Variants in TAOK3 observed in about 807,000 individuals in gnomAD.
The protein encoded by TAOK3 is TAO kinase 3.
A neutral mutation model predicts 120.4 loss-of-function variants in TAOK3; 40 were observed. The observed-to-expected ratio is 0.33, with a 90% CI of 0.26 to 0.43. TAOK3 has a LOEUF of 0.43. Among genes scored for constraint, TAOK3 ranks in the 20% least tolerant of loss-of-function variants. The pLI is 1.00. For synonymous variants in TAOK3, 355 were observed against 387.5 expected (o/e 0.92, Z 0.99); for missense variants, 821 against 1,112.1 (o/e 0.74, Z 3.72).
intron 9 of TAOK3, among the ~76,000 whole-genome samples, chr12:118,224,163 C>T (rs2039389399): frequency 6.6e-6 from 1 of 152,208 alleles, no homozygotes; most frequent in South Asian, 2.1e-4. Context: ...AAAACCAAAT[C>T]ACATAGTGTT....
rs145793159 is a variant in TAOK3 at position 118,216,744 on chromosome 12, C to T, written c.644-2634G>A. ...GAGATCGAGACCATCCTGGCTAACA[C>T]GGTGAAACCCTGTCTCTACTAAAAA... On this transcript the variant is annotated intron_variant, in intron 9 of 20. Coordinates refer to ENST00000392533, the MANE Select transcript of TAOK3 (RefSeq NM_016281.4). Among the ~76,000 whole-genome samples the T allele has an allele frequency of 1.9e-3, 296 of 151,900 alleles. 4 individuals are homozygous for T. In the East Asian group the frequency reaches 0.024, roughly 12 times the overall value.
At position 118,201,214 on chromosome 12, in the gene TAOK3, A is replaced by G; in HGVS notation, c.987+82T>C. On this transcript the variant is annotated intron_variant, in intron 12 of 20. Transcript: ENST00000392533. ...CAGCATCAATTAATTTTTATCTTCA[A>G]AAGTTTTTCATAGTGCCCAGTCTAG... 4.6e-6 allele frequency: 6 copies of G among 1,317,876 alleles called. No individual in the cohort carries two copies. The South Asian group carries it at 7.5e-5, about 17-fold the overall frequency. 81.6% of individuals were successfully genotyped at this position (1,317,876 alleles called of 1,614,324 possible).
intron 9 of TAOK3, among the ~76,000 whole-genome samples, chr12:118,217,816 C>CGTGTGTGTGT (rs1565963561): frequency 2.2e-5 from 1 of 45,972 alleles, no homozygotes; most frequent in African/African-American, 8.1e-5. Context: ...TGTGTGTATA[C>CGTGTGTGTGT]ATATATATAT....
At chr12:118,324,082 A>C (rs1221612844) in intron 1 of TAOK3, among the ~76,000 whole-genome samples, 1 of 152,212 alleles carries the variant, frequency 6.6e-6, no homozygotes, top group Non-Finnish European at 1.5e-5. Flanking sequence ...TATGATATAA[A>C]TCTGGAAGAT....
Position 118,299,434 on chromosome 12 carries a change from T to C in TAOK3, c.-193-32675A>G, listed in dbSNP as rs148252709. Among the ~76,000 whole-genome samples, 28 of 152,356 alleles carry C rather than the reference T, an allele frequency of 1.8e-4. No homozygotes were observed. In the East Asian group the frequency reaches 5.4e-3, roughly 29 times the overall value. ...TGTTTTGAGATGTTTTTTATGGGTC[T>C]ACGGTACTTAAGGTTTCTGATAATT... On this transcript the variant is annotated intron_variant, in intron 1 of 20. Transcript: ENST00000392533.
At chr12:118,359,573 G>T (rs1056464103) in intron 1 of TAOK3, 3 of 152,190 alleles carry the variant, frequency 2.0e-5, no homozygotes, top group African/African-American at 7.2e-5. Context: ...TTTGCAAATT[G>T]AAAGTTAATT....
chr12:118,189,979 G>C (rs1464845920), intron 13 of TAOK3, 38 bp from the exon 14 acceptor site: 1 of 1,608,956 alleles, frequency 6.2e-7, no homozygotes, highest in Non-Finnish European at 8.5e-7. Context: ...AAGTCCAGCT[G>C]TGCTCTTTCC....
chr12:118,253,751 CAAACAA>C (rs777249911), intron 3 of TAOK3, among the ~76,000 whole-genome samples: 72 of 17,436 alleles, frequency 4.1e-3, no homozygotes, highest in Non-Finnish European at 6.3e-3. Flanking sequence ...AACAAACAAA[CAAACAA>C]AAAAAAAAAA....
chr12:118,204,280 T>G (rs1309694303), intron 11 of TAOK3, among the ~76,000 whole-genome samples: 1 of 152,062 alleles, frequency 6.6e-6, no homozygotes, highest in Non-Finnish European at 1.5e-5. Context: ...AAGACATTAT[T>G]TTTTAAAGGC....
chr12:118,172,543 T>C lies in TAOK3; in HGVS notation c.1813A>G (p.Arg605Gly). Residue 605 changes from arginine (R) to glycine (G), a missense_variant, in exon 17 of 21, where the codon AGA becomes GGA. Physicochemically the swap from Arg to Gly is moderately radical, Grantham distance 125. Transcript: ENST00000392533. ...CGACAATTTTTGTCGTAGTACAGTC[T>C]CTGTTGAGTGAGAAGGTGGGCTTCC... ...EEEAHLLTQQ[R>G]LYYDKNCRFF... 2.5e-6 allele frequency: 4 copies of C among 1,614,124 alleles called. No individual in the cohort carries two copies. Among genetic ancestry groups the C allele is most frequent in the Non-Finnish European group, 3.4e-6 (4 of 1,180,008 alleles).
chr12:118,153,822 A>G (rs1318081565), intron 19 of TAOK3, among the ~76,000 whole-genome samples: 1 of 152,238 alleles, frequency 6.6e-6, no homozygotes, highest in East Asian at 1.9e-4. Flanking sequence ...GAAATGTTAT[A>G]TTAAAATAGT....
At chr12:118,308,085 A>G (rs2043116799) in intron 1 of TAOK3, among the ~76,000 whole-genome samples, 2 of 152,178 alleles carry the variant, frequency 1.3e-5, no homozygotes, top group South Asian at 2.1e-4. Context: ...GATACAGGTC[A>G]TAAAGACCTT....
At chr12:118,167,196 T>C (rs986719739) in intron 17 of TAOK3, among the ~76,000 whole-genome samples, 2 of 152,090 alleles carry the variant, frequency 1.3e-5, no homozygotes, top group Non-Finnish European at 2.9e-5. Context: ...CCAGTTTCAG[T>C]GATCTTCTTG....
At chr12:118,230,050 T>C (rs2039694316) in intron 9 of TAOK3, among the ~76,000 whole-genome samples, 1 of 152,250 alleles carries the variant, frequency 6.6e-6, no homozygotes, top group Admixed American at 6.5e-5. Context: ...TATCATTATT[T>C]CTATTTTACA....
chr12:118,276,598 A>T (rs1054220632), intron 1 of TAOK3, among the ~76,000 whole-genome samples: 1 of 152,196 alleles, frequency 6.6e-6, no homozygotes, highest in Non-Finnish European at 1.5e-5. Flanking sequence ...GCTACTCTGG[A>T]GGCTGAGGCA....
chr12:118,243,298 C>A, intron 5 of TAOK3, 117 bp downstream of exon 5: 1 of 611,410 alleles, frequency 1.6e-6, no homozygotes, highest in East Asian at 3.1e-5. Context: ...ATACTGATAA[C>A]AAAAGTTAAA....
At chr12:118,204,928 G>A (rs563222474) in intron 11 of TAOK3, among the ~76,000 whole-genome samples, 1 of 149,984 alleles carries the variant, frequency 6.7e-6, no homozygotes, top group East Asian at 1.9e-4. Flanking sequence ...AGCACTTGGG[G>A]AGGCCGAGGC....
At chr12:118,301,069 T>A (rs1411073581) in intron 1 of TAOK3, among the ~76,000 whole-genome samples, 1 of 152,026 alleles carries the variant, frequency 6.6e-6, no homozygotes, top group Non-Finnish European at 1.5e-5. Flanking sequence ...AGCCACTGCA[T>A]CCTGCCTATT....
chr12:118,169,918 T>A (rs1039873799), intron 17 of TAOK3, among the ~76,000 whole-genome samples: 3 of 151,884 alleles, frequency 2.0e-5, no homozygotes, highest in African/African-American at 7.3e-5. Flanking sequence ...AGACGGGGTT[T>A]CACCATGTTA....
Sources: allele counts gnomAD v4.1 joint callset (sites outside exome capture counted in the v4.1 genomes callset), GRCh38; gene constraint gnomAD v4.1.1; transcripts MANE v1.5; gene names NCBI Gene and HGNC (gene_info 2026-07-23, HGNC 2026-07-21).